ATP6V1C1: variants seen among roughly 807,000 people sequenced by gnomAD.
The protein encoded by ATP6V1C1 is ATPase H+ transporting V1 subunit C1.
In ATP6V1C1, 45 loss-of-function variants were observed where a neutral mutation model predicts 53.9. That is an observed-to-expected ratio of 0.83 (90% CI 0.66 to 1.07). The LOEUF is 1.07. Among genes scored for constraint, ATP6V1C1 ranks in the 50% least tolerant of loss-of-function variants. The pLI is 0.00. For synonymous variants in ATP6V1C1, 153 were observed against 155.2 expected (o/e 0.99, Z 0.11); for missense variants, 315 against 440.3 (o/e 0.72, Z 2.55).
Position 103,071,963 on chromosome 8 carries a change from A to G in ATP6V1C1, c.*3216A>G, listed in dbSNP as rs1391643507. The G allele has an allele frequency of 1.3e-5, 2 of 152,234 alleles. No homozygotes were observed. Among genetic ancestry groups the G allele is most frequent in the African/African-American group, 4.8e-5 (2 of 41,454 alleles). The allele number at this position is 152,234 out of a possible 1,614,324, so 9.4% of individuals were successfully genotyped here. A position where few individuals can be genotyped will look rare whatever the true frequency, so the allele number is the denominator to read the frequency against. On this transcript the variant is annotated 3_prime_UTR_variant, in exon 13 of 13. Transcript: ENST00000518738. The stretch of plus-strand genomic sequence containing the variant: ...AGGAACCCAGAGTCCAGAACATTTC[A>G]TCTATGATGGGTTAGATAATGTGTC...
chr8:103,022,177 T>C (rs1030032148), intron 1 of ATP6V1C1, among the ~76,000 whole-genome samples: 12 of 152,156 alleles, frequency 7.9e-5, no homozygotes, highest in African/African-American at 2.9e-4. Flanking sequence ...GAAGATATTC[T>C]GGAGGAAAGA....
At chr8:103,031,101 G>A (rs1382062951) in intron 1 of ATP6V1C1, among the ~76,000 whole-genome samples, 3 of 152,182 alleles carry the variant, frequency 2.0e-5, no homozygotes, top group African/African-American at 7.2e-5. Flanking sequence ...GTGATACACA[G>A]TGCAGCATTT....
intron 1 of ATP6V1C1, among the ~76,000 whole-genome samples, chr8:103,030,319 T>C (rs1264128272): frequency 1.3e-5 from 2 of 152,162 alleles, no homozygotes; most frequent in East Asian, 1.9e-4. Flanking sequence ...TGTTAAAACA[T>C]GGGGCTGAGA....
At chr8:103,044,325 T>C (rs1817056857) in intron 3 of ATP6V1C1, among the ~76,000 whole-genome samples, 2 of 152,248 alleles carry the variant, frequency 1.3e-5, no homozygotes, top group East Asian at 3.8e-4. Context: ...TGTAATGTTT[T>C]ATGTCTATGT....
chr8:103,067,585 T>C (rs976485482), intron 12 of ATP6V1C1, among the ~76,000 whole-genome samples: 1 of 150,942 alleles, frequency 6.6e-6, no homozygotes, highest in Admixed American at 6.6e-5. Flanking sequence ...CTTGCTACAC[T>C]TTTTTTCTTT....
intron 1 of ATP6V1C1, among the ~76,000 whole-genome samples, chr8:103,023,120 G>A (rs573537484): frequency 2.2e-4 from 34 of 152,272 alleles, no homozygotes; most frequent in African/African-American, 8.2e-4. Flanking sequence ...AATGTGAAGA[G>A]GAAGAAAGCT....
intron 1 of ATP6V1C1, among the ~76,000 whole-genome samples, chr8:103,025,035 A>C (rs1277059875): frequency 6.6e-6 from 1 of 151,912 alleles, no homozygotes; most frequent in African/African-American, 2.4e-5. Flanking sequence ...TGTATATCTA[A>C]AATGTGGGGT....
At position 103,040,806 on chromosome 8, in the gene ATP6V1C1, T is replaced by C. The variant is rs1409630648; in HGVS notation, c.-31T>C. The stretch of plus-strand genomic sequence containing the variant: ...TTTGTTTTACATTTCAGAATCTCTC[T>C]TGATTTTTGAGGAAATACCTAGTAA... On this transcript the variant is annotated 5_prime_UTR_variant, in exon 2 of 13. Transcript: ENST00000518738. 2 of 1,597,202 alleles carry C rather than the reference T, an allele frequency of 1.3e-6. No individual in the cohort carries two copies. The highest frequency in any genetic ancestry group is 1.7e-6 in the Non-Finnish European group (2 of 1,173,122).
At chr8:103,037,130 T>G (rs903911972) in intron 1 of ATP6V1C1, among the ~76,000 whole-genome samples, 1 of 152,116 alleles carries the variant, frequency 6.6e-6, no homozygotes, top group Non-Finnish European at 1.5e-5. Flanking sequence ...GGTGATGTGA[T>G]CCAGGTGTTG....
intron 11 of ATP6V1C1, among the ~76,000 whole-genome samples, chr8:103,065,662 A>G (rs1408429842): frequency 6.6e-6 from 1 of 152,236 alleles, no homozygotes; most frequent in Non-Finnish European, 1.5e-5. Flanking sequence ...TTCAAACTAT[A>G]TGTGGGTAAC....
rs780850646 is a variant in ATP6V1C1 at position 103,066,338 on chromosome 8, A to T, written c.944A>T (p.Asn315Ile). Reference sequence around the variant, plus strand: ...TTTGTAAGGTATGGCTTGCCAGTGAACTTCCAAGCAATGCTACTTCAGCCC... The same window carrying T: ...TTTGTAAGGTATGGCTTGCCAGTGATCTTCCAAGCAATGCTACTTCAGCCC... ...ESVLRYGLPV[N>I]FQAMLLQPNK... The change falls in exon 12 of 13, where the codon AAC becomes ATC. Residue 315 changes from asparagine (N) to isoleucine (I), a missense_variant. By Grantham distance (149) the Asn-to-Ile change is moderately radical. Transcript: ENST00000518738. 6.2e-7 allele frequency: 1 copy of T among 1,610,688 alleles called. No individual in the cohort carries two copies.
chr8:103,069,415 A>G lies in ATP6V1C1; in HGVS notation c.*668A>G, dbSNP rs753796925. 1 of 152,174 alleles carries G rather than the reference A, an allele frequency of 6.6e-6. No individual in the cohort carries two copies. Among genetic ancestry groups the G allele is most frequent in the Non-Finnish European group, 1.5e-5 (1 of 68,034 alleles). The allele number at this position is 152,174 out of a possible 1,614,324, so 9.4% of individuals were successfully genotyped here. The stretch of plus-strand genomic sequence containing the variant: ...ACCATTTGTGTTGTCTGACTTTCGT[A>G]TGATTTAATTGAGCCAAATTTGGGT... On this transcript the variant is annotated 3_prime_UTR_variant, in exon 13 of 13. Transcript: ENST00000518738.
Position 103,068,901 on chromosome 8 carries a change from A to G in ATP6V1C1, c.*154A>G. The stretch of plus-strand genomic sequence containing the variant: ...CTCCCACAGTGGTCTGTATCTCAAC[A>G]TTTTCTTTTTAAAGGAAAAAATATA... On this transcript the variant is annotated 3_prime_UTR_variant, in exon 13 of 13. Coordinates refer to ENST00000518738, the MANE Select transcript of ATP6V1C1 (RefSeq NM_001695.5). 1 of 422,568 alleles carries G rather than the reference A, an allele frequency of 2.4e-6. No homozygotes were observed. Among genetic ancestry groups the G allele is most frequent in the South Asian group, 1.0e-4 (1 of 9,742 alleles). The allele number at this position is 422,568 out of a possible 1,614,324, so 26.2% of individuals were successfully genotyped here. A position where few individuals can be genotyped will look rare whatever the true frequency, so the allele number is the denominator to read the frequency against.
In ATP6V1C1 at chr8:103,072,274, G is replaced by C. The variant is rs2131409833; in HGVS notation, c.*3527G>C. The C allele has an allele frequency of 6.6e-6, 1 of 152,282 alleles. No individual in the cohort carries two copies. The highest frequency in any genetic ancestry group is 1.5e-5 in the Non-Finnish European group (1 of 68,028). The allele number at this position is 152,282 out of a possible 1,614,324, so 9.4% of individuals were successfully genotyped here. A position where few individuals can be genotyped will look rare whatever the true frequency, so the allele number is the denominator to read the frequency against. On this transcript the variant is annotated 3_prime_UTR_variant, in exon 13 of 13. Transcript: ENST00000518738. ...TTTATTTGCTCTTACTTCAAAATTA[G>C]TCCAAAATGTTGGAAATAAAATATA...
At chr8:103,048,236 A>G (rs1447001003) in intron 3 of ATP6V1C1, among the ~76,000 whole-genome samples, 1 of 152,214 alleles carries the variant, frequency 6.6e-6, no homozygotes, top group African/African-American at 2.4e-5. Flanking sequence ...TTGGTGCAAA[A>G]GTAATGGAGT....
At chr8:103,035,789 GT>G (rs1816886145) in intron 1 of ATP6V1C1, among the ~76,000 whole-genome samples, 1 of 152,184 alleles carries the variant, frequency 6.6e-6, no homozygotes, top group Admixed American at 6.5e-5. Context: ...CAAAGTTTGT[GT>G]TCCTTCCTCC....
intron 2 of ATP6V1C1, 37 bp downstream of exon 2, chr8:103,041,005 T>C (rs1003405927): frequency 6.3e-7 from 1 of 1,592,904 alleles, no homozygotes; most frequent in Admixed American, 1.7e-5. Flanking sequence ...TATGAGTTCA[T>C]CATCCAGGGG....
At chr8:103,068,191 G>C (rs1342881145) in intron 12 of ATP6V1C1, among the ~76,000 whole-genome samples, 1 of 152,154 alleles carries the variant, frequency 6.6e-6, no homozygotes, top group Non-Finnish European at 1.5e-5. Flanking sequence ...TCACTATGTT[G>C]CCCAGACTGG....
chr8:103,023,280 C>CT (rs576209249), intron 1 of ATP6V1C1, among the ~76,000 whole-genome samples: 10,456 of 113,022 alleles, frequency 0.093, 545 homozygotes, highest in Non-Finnish European at 0.12. Context: ...CAGGTTGTGG[C>CT]TTTTTTTTTT....
Sources: allele counts gnomAD v4.1 joint callset (sites outside exome capture counted in the v4.1 genomes callset), GRCh38; gene constraint gnomAD v4.1.1; transcripts MANE v1.5; gene names NCBI Gene and HGNC (gene_info 2026-07-23, HGNC 2026-07-21).